PIEZO1: variants seen among roughly 807,000 people sequenced by gnomAD.
The protein encoded by PIEZO1 is piezo-type mechanosensitive ion channel component 1.
A neutral mutation model predicts 297.2 loss-of-function variants in PIEZO1; 296 were observed. That is an observed-to-expected ratio of 1.00 (90% CI 0.91 to 1.10). The LOEUF is 1.10. PIEZO1 is among the 50% of genes least tolerant of loss of function. PIEZO1 has a pLI of 0.00. For missense variants in PIEZO1, 5,018 were observed against 3,455.5 expected (o/e 1.45, Z -11.34); for synonymous variants, 2,427 against 1,507.5 (o/e 1.61, Z -14.13).
At chr16:88,746,811 A>G (rs117907531) in intron 2 of PIEZO1, among the ~76,000 whole-genome samples, 4,929 of 152,312 alleles carry the variant, frequency 0.032, 91 homozygotes, top group Non-Finnish European at 0.048. Context: ...TGATTAAAGG[A>G]AAGTGTTTCC....
chr16:88,769,924 C>A (rs547792860), intron 1 of PIEZO1, among the ~76,000 whole-genome samples: 2 of 152,288 alleles, frequency 1.3e-5, no homozygotes, highest in South Asian at 4.1e-4. Context: ...CCTAGGGGGT[C>A]ACACCCCTTC....
At position 88,726,563 on chromosome 16, in the gene PIEZO1, G is replaced by A; in HGVS notation, c.3780C>T (p.Val1260=). Reference sequence around the variant, plus strand: ...GCCACTCACGGTCATAGTAGCCCTTGACGGTGCATACAAGGCTGAAGAGCT... The same window carrying A: ...GCCACTCACGGTCATAGTAGCCCTTAACGGTGCATACAAGGCTGAAGAGCT... The part of the protein sequence containing the change: ...VIQLFSLVCT[V]KGYYDPKEMM... Residue 1260 remains valine (V), a synonymous_variant, in exon 26 of 51, where the codon GTC becomes GTT. Transcript: ENST00000301015. 3 of 1,550,178 alleles carry A rather than the reference G, an allele frequency of 1.9e-6. No individual in the cohort carries two copies. The highest frequency in any genetic ancestry group is 2.4e-5 in the East Asian group (1 of 40,906).
Position 88,723,917 on chromosome 16 carries a change from T to A in PIEZO1, c.4289A>T (p.Glu1430Val), listed in dbSNP as rs202066744. 566 of 1,549,574 alleles carry A rather than the reference T, an allele frequency of 3.7e-4. 4 individuals carry two copies. Among genetic ancestry groups the A allele is most frequent in the Non-Finnish European group, 4.1e-4 (465 of 1,146,292 alleles). Residue 1430 changes from glutamate to valine, a missense_variant, in exon 31 of 51, where the codon GAG becomes GTG. Physicochemically the swap from Glu to Val is moderately radical, Grantham distance 121 (BLOSUM62 -2). Transcript: ENST00000301015. ...LFESDSEEEE[E>V]AVPEDPRPSA... is the part of the protein sequence containing the mutation. ...CGGCCTCGGGTCTTCAGGAACAGCC[T>A]CCTCCTCTTCCTCACTGTCGGACTC...
intron 5 of PIEZO1, 77 bp from the exon 6 acceptor site, chr16:88,738,813 A>G: frequency 7.4e-7 from 1 of 1,355,658 alleles, no homozygotes; most frequent in Non-Finnish European, 1.0e-6. Flanking sequence ...CTGCCCAGCC[A>G]GGAGCGTGGG....
At chr16:88,752,892 TCATC>T (rs201234365) in intron 1 of PIEZO1, among the ~76,000 whole-genome samples, 140 of 150,846 alleles carry the variant, frequency 9.3e-4, no homozygotes, top group African/African-American at 3.2e-3. Flanking sequence ...ATTCATCCAT[TCATC>T]CATTCATTCA....
At chr16:88,743,927 G>T (rs149709217) in intron 2 of PIEZO1, 1 of 299,424 alleles carries the variant, frequency 3.3e-6, no homozygotes, top group East Asian at 9.3e-5. Context: ...CGTCCAGGAA[G>T]GGAGGCTGCA....
Position 88,721,105 on chromosome 16 carries a change from C to G in PIEZO1, c.5668+61G>C, listed in dbSNP as rs142959823. 82 of 1,419,666 alleles carry G rather than the reference C, an allele frequency of 5.8e-5. No individual in the cohort carries two copies. In the African/African-American group the frequency reaches 1.0e-3, roughly 18 times the overall value. 87.9% of individuals were successfully genotyped at this position (1,419,666 alleles called of 1,614,324 possible). On this transcript the variant is annotated intron_variant, in intron 39 of 50. Coordinates refer to ENST00000301015, the MANE Select transcript of PIEZO1 (RefSeq NM_001142864.4). ...CCGTCTCATCTGAGAAAGACCCTCC[C>G]TGCAGTAGCCCCACTCAGAAAACTG... is the stretch of plus-strand genomic sequence containing the variant.
At chr16:88,764,762 A>T (rs1344086180) in intron 1 of PIEZO1, among the ~76,000 whole-genome samples, 1 of 151,270 alleles carries the variant, frequency 6.6e-6, no homozygotes, top group African/African-American at 2.4e-5. Flanking sequence ...AAAAAAAAAA[A>T]AAAAAGAAAG....
At chr16:88,731,651 A>C in intron 22 of PIEZO1, 55 bp downstream of exon 22, 1 of 1,399,184 alleles carries the variant, frequency 7.1e-7, no homozygotes, top group Non-Finnish European at 9.9e-7. Context: ...AAACACCCCC[A>C]CGGGCATCCA....
intron 1 of PIEZO1, among the ~76,000 whole-genome samples, chr16:88,753,864 G>C (rs974610980): frequency 1.3e-5 from 2 of 152,206 alleles, no homozygotes; most frequent in Non-Finnish European, 2.9e-5. Context: ...AGGGCAGGTC[G>C]GAAGCTTCGC....
intron 10 of PIEZO1, chr16:88,737,263 T>A: frequency 2.8e-6 from 1 of 359,110 alleles, no homozygotes; most frequent in Non-Finnish European, 5.2e-6. Flanking sequence ...CATAGCCACA[T>A]TCTCTGGGGA....
chr16:88,734,625 C>T (rs942475590), intron 15 of PIEZO1, 25 bp downstream of exon 15: 4 of 1,549,816 alleles, frequency 2.6e-6, no homozygotes, highest in Non-Finnish European at 2.6e-6. Context: ...GGCGCCCCTG[C>T]CCCACCGCCC....
chr16:88,759,845 G>A (rs78460328), intron 1 of PIEZO1, among the ~76,000 whole-genome samples: 11,847 of 152,230 alleles, frequency 0.078, 1,553 homozygotes, highest in African/African-American at 0.27. Flanking sequence ...CCACCCCAGA[G>A]TGCCAGCACA....
Position 88,726,271 on chromosome 16 carries a change from G to A in PIEZO1, c.3968+13C>T, listed in dbSNP as rs1324945339. On this transcript the variant is annotated intron_variant, in intron 27 of 50. Coordinates refer to ENST00000301015, the MANE Select transcript of PIEZO1 (RefSeq NM_001142864.4). ...AGACGGGAGCTCTGGGCTGTGTCTG[G>A]GCCCAAGCTTGCCTGGAGGCTAGCA... The A allele has an allele frequency of 7.1e-6, 11 of 1,542,498 alleles. No homozygotes were observed. In the African/African-American group the frequency reaches 1.2e-4, roughly 17 times the overall value.
chr16:88,735,793 C>G (rs189802239), intron 12 of PIEZO1, among the ~76,000 whole-genome samples: 8 of 152,204 alleles, frequency 5.3e-5, no homozygotes, highest in Non-Finnish European at 1.0e-4. Flanking sequence ...GCAGAGCCCA[C>G]GCTCACACAC....
chr16:88,763,215 C>A (rs553080485), intron 1 of PIEZO1, among the ~76,000 whole-genome samples: 1 of 152,270 alleles, frequency 6.6e-6, no homozygotes, highest in African/African-American at 2.4e-5. Flanking sequence ...CGGCTCAGGG[C>A]ACTTACGGGG....
At chr16:88,739,897 A>G (rs1905525565) in intron 5 of PIEZO1, 2 of 152,406 alleles carry the variant, frequency 1.3e-5, no homozygotes, top group Admixed American at 1.3e-4. Flanking sequence ...GCCGTGAAAA[A>G]TGAGCATTTC....
In PIEZO1 at chr16:88,731,855, G is replaced by A; in HGVS notation, c.3047C>T (p.Thr1016Ile). The A allele has an allele frequency of 7.7e-6, 11 of 1,429,400 alleles. No individual in the cohort carries two copies. Among genetic ancestry groups the A allele is most frequent in the Non-Finnish European group, 1.0e-5 (11 of 1,084,604 alleles). 88.5% of individuals were successfully genotyped at this position (1,429,400 alleles called of 1,614,324 possible). ...GGCCACCAGCCAGCAACCGTGCAGG[G>A]TCACCAGAAAGTTCATGCGCTGCCC... is the stretch of plus-strand genomic sequence containing the variant. Reference protein sequence around the residue: ...VIGQRMNFLVTLHGCWLVAIL... With the variant: ...VIGQRMNFLVILHGCWLVAIL... Residue 1016 changes from threonine to isoleucine, a missense_variant, in exon 22 of 51, where the codon ACC becomes ATC. Physicochemically the swap from Thr to Ile is moderately conservative, Grantham distance 89 (BLOSUM62 -1). Transcript: ENST00000301015.
intron 30 of PIEZO1, among the ~76,000 whole-genome samples, chr16:88,724,665 G>C (rs1904316037): frequency 1.3e-5 from 2 of 152,180 alleles, no homozygotes; most frequent in South Asian, 4.1e-4. Context: ...CTGCACTCCA[G>C]CCTGCAGTGA....
Sources: gnomAD v4.1 joint callset for allele counts (sites outside exome capture counted in the v4.1 genomes callset) on GRCh38, gnomAD v4.1.1 for gene constraint, MANE v1.5 for transcripts, NCBI Gene and HGNC (gene_info 2026-07-23, HGNC 2026-07-21) for gene names.